Variants in PRIM2 observed in about 807,000 individuals in gnomAD.
The protein encoded by PRIM2 is DNA primase subunit 2.
PRIM2 carries 39 observed loss-of-function variants against 67.3 expected under a neutral mutation model. That is an observed-to-expected ratio of 0.58 (90% CI 0.45 to 0.76). The LOEUF (loss-of-function observed/expected upper bound fraction) is 0.76, where lower values mean the gene tolerates loss of function less well. Ranked by LOEUF, PRIM2 falls within the 30% of genes least tolerant of loss-of-function variation. The pLI, the probability that PRIM2 is intolerant of heterozygous loss-of-function variation, is 0.00. For synonymous variants in PRIM2, 143 were observed against 198.7 expected (o/e 0.72, Z 2.36); for missense variants, 398 against 598.7 (o/e 0.66, Z 3.50).
intron 7 of PRIM2, among the ~76,000 whole-genome samples, chr6:57,384,970 T>G (rs1770091156): frequency 6.6e-6 from 1 of 152,222 alleles, no homozygotes; most frequent in Non-Finnish European, 1.5e-5. Context: ...TAAATTTGCC[T>G]TGAAAGCAAC....
the PRIM2 span, among the ~76,000 whole-genome samples, chr6:57,246,763 GC>G: frequency 6.6e-6 from 1 of 152,092 alleles, no homozygotes; most frequent in Non-Finnish European, 1.5e-5. Context: ...CATTTCTGCT[GC>G]CTGCTGATTC....
At chr6:57,455,370 A>G (rs1428404912) in intron 7 of PRIM2, among the ~76,000 whole-genome samples, 1 of 152,106 alleles carries the variant, frequency 6.6e-6, no homozygotes, top group Non-Finnish European at 1.5e-5. Context: ...TGATCTGTCT[A>G]ATGTTGACAG....
intron 10 of PRIM2, among the ~76,000 whole-genome samples, chr6:57,556,111 GA>G (rs1200698377): frequency 2.0e-5 from 3 of 152,180 alleles, no homozygotes; most frequent in Non-Finnish European, 4.4e-5. Flanking sequence ...TCTACAATGA[GA>G]ATTAGAAAAT....
chr6:57,337,077 A>T (rs1407693012), intron 5 of PRIM2, among the ~76,000 whole-genome samples: 1 of 152,222 alleles, frequency 6.6e-6, no homozygotes, highest in African/African-American at 2.4e-5. Context: ...CTGATAAAAC[A>T]GACTTTAAAC....
chr6:57,619,988 A>G (rs1435200390), intron 12 of PRIM2, among the ~76,000 whole-genome samples: 2 of 152,148 alleles, frequency 1.3e-5, no homozygotes, highest in Non-Finnish European at 2.9e-5. Context: ...TGAGGTCAGG[A>G]GATCGAGACC....
the PRIM2 span, among the ~76,000 whole-genome samples, chr6:57,242,546 A>G: frequency 6.6e-6 from 1 of 152,252 alleles, no homozygotes; most frequent in African/African-American, 2.4e-5. Context: ...CCAAACCAAT[A>G]TGATGGTTAC....
chr6:57,312,736 T>A (rs1485446103), upstream of PRIM2, among the ~76,000 whole-genome samples: 1 of 152,234 alleles, frequency 6.6e-6, no homozygotes, highest in East Asian at 1.9e-4. Context: ...CTGCTTATGC[T>A]TTTTCTTAAT....
chr6:57,404,749 A>G (rs2127358720), intron 7 of PRIM2, among the ~76,000 whole-genome samples: 1 of 148,540 alleles, frequency 6.7e-6, no homozygotes. Context: ...AACCAGGTTT[A>G]AAGTCTAGCT....
chr6:57,310,644 G>A (rs559041572), upstream of PRIM2, among the ~76,000 whole-genome samples: 47 of 151,258 alleles, frequency 3.1e-4, 1 homozygote, highest in African/African-American at 1.1e-3. Context: ...GGTGGCGGCC[G>A]GGCAGAGGCG....
chr6:57,569,042 T>C (rs1238211381), intron 10 of PRIM2, among the ~76,000 whole-genome samples: 1 of 152,262 alleles, frequency 6.6e-6, no homozygotes, highest in Non-Finnish European at 1.5e-5. Flanking sequence ...TAGGATGAGC[T>C]ATATTGGTTA....
At chr6:57,326,753 T>G (rs1227697129) in intron 5 of PRIM2, among the ~76,000 whole-genome samples, 1 of 151,892 alleles carries the variant, frequency 6.6e-6, no homozygotes, top group Non-Finnish European at 1.5e-5. Flanking sequence ...ATCAAAAATG[T>G]CAGTAAGATC....
Position 57,587,639 on chromosome 6 carries a change from G to A in PRIM2, c.1021-13454G>A, listed in dbSNP as rs1404874571. The stretch of plus-strand genomic sequence containing the variant: ...AGATCAAGCCACTGTACTCCAGCCT[G>A]GGCAACAAGAGTGAGACTCTGTCTC... On this transcript the variant is annotated intron_variant, in intron 10 of 13. Transcript: ENST00000615550. Among the ~76,000 whole-genome samples, 191 of 114,654 alleles carry A rather than the reference G, an allele frequency of 1.7e-3. 5 individuals are homozygous for A. The East Asian group carries it at 0.025, about 15-fold the overall frequency. 75.2% of individuals were successfully genotyped at this position (114,654 alleles called of 152,430 possible). A position where few individuals can be genotyped will look rare whatever the true frequency, so the allele number is the denominator to read the frequency against.
chr6:57,393,151 C>A (rs569334032), intron 7 of PRIM2, among the ~76,000 whole-genome samples: 2 of 149,158 alleles, frequency 1.3e-5, no homozygotes, highest in East Asian at 3.9e-4. Flanking sequence ...ATAATGACTT[C>A]TTTTCCTCTG....
intron 5 of PRIM2, among the ~76,000 whole-genome samples, chr6:57,335,182 T>G (rs1319603203): frequency 6.6e-6 from 1 of 152,194 alleles, no homozygotes; most frequent in East Asian, 1.9e-4. Context: ...ACCAGGAGAT[T>G]ATATCCCGCA....
intron 7 of PRIM2, among the ~76,000 whole-genome samples, chr6:57,412,221 C>T (rs1771110390): frequency 2.0e-5 from 3 of 151,990 alleles, no homozygotes; most frequent in Non-Finnish European, 4.4e-5. Context: ...TCTTAACATG[C>T]ACAAGCATTT....
At chr6:57,563,540 G>T (rs1176437443) in intron 10 of PRIM2, among the ~76,000 whole-genome samples, 2 of 152,198 alleles carry the variant, frequency 1.3e-5, no homozygotes, top group Non-Finnish European at 2.9e-5. Flanking sequence ...AGTGATGGTT[G>T]ACTGGATTTA....
chr6:57,518,835 A>G (rs1305792127), intron 8 of PRIM2, among the ~76,000 whole-genome samples: 1 of 152,202 alleles, frequency 6.6e-6, no homozygotes, highest in Admixed American at 6.5e-5. Flanking sequence ...AGTACTTTCT[A>G]TTCCTCTGTG....
At chr6:57,310,463 A>G (rs1767359234), upstream of PRIM2, among the ~76,000 whole-genome samples, 3 of 152,240 alleles carry the variant, frequency 2.0e-5, no homozygotes, top group South Asian at 4.1e-4. Flanking sequence ...CTACACAGAC[A>G]CGGTAACAAT....
At chr6:57,248,813 C>A in the PRIM2 span, among the ~76,000 whole-genome samples, 3 of 152,196 alleles carry the variant, frequency 2.0e-5, no homozygotes, top group Non-Finnish European at 4.4e-5. Flanking sequence ...CCTTAGGCTC[C>A]CTGCCTCCAG....
Sources: allele counts gnomAD v4.1 joint callset (sites outside exome capture counted in the v4.1 genomes callset), GRCh38; gene constraint gnomAD v4.1.1; transcripts MANE v1.5; gene names NCBI Gene and HGNC (gene_info 2026-07-23, HGNC 2026-07-21).